LTBP4: variants seen among roughly 807,000 people sequenced by gnomAD.
LTBP4 encodes the protein latent transforming growth factor beta binding protein 4.
Under a neutral mutation model 180.2 loss-of-function variants are expected in LTBP4, and 93 were observed. The ratio of observed to expected loss-of-function variants is 0.52; its 90% CI spans 0.44 to 0.61. The LOEUF (loss-of-function observed/expected upper bound fraction) is 0.61, where lower values mean the gene tolerates loss of function less well. LTBP4 is among the 20% of genes least tolerant of loss of function. The probability of loss-of-function intolerance (pLI) is 0.00; values close to 1 mark genes in which losing one functional copy is unlikely to be tolerated. For missense variants in LTBP4, 2,116 were observed against 2,256.5 expected (o/e 0.94, Z 1.26); for synonymous variants, 947 against 934.5 (o/e 1.01, Z -0.24).
At chr19:40,610,327 T>C in intron 11 of LTBP4, 1 of 597,478 alleles carries the variant, frequency 1.7e-6, no homozygotes, top group African/African-American at 1.9e-5. Context: ...TCCCCAAAGC[T>C]CTCCTTTCTG....
chr19:40,616,483 A>G (rs2081549932), intron 19 of LTBP4, among the ~76,000 whole-genome samples: 1 of 151,912 alleles, frequency 6.6e-6, no homozygotes, highest in African/African-American at 2.4e-5. Context: ...CTGTAATCCT[A>G]GGACTTGAGG....
upstream of LTBP4, among the ~76,000 whole-genome samples, chr19:40,600,414 G>A (rs371105275): frequency 4.4e-4 from 67 of 152,350 alleles, no homozygotes; most frequent in African/African-American, 1.5e-3. The surrounding 1 kb of genome is among the most constrained non-coding windows in gnomAD (Gnocchi z 4.4). Flanking sequence ...GAAGCCAGGC[G>A]TCCGGGCTCC....
Position 40,610,563 on chromosome 19 carries a change from G to A in LTBP4, c.1716G>A (p.Pro572=), listed in dbSNP as rs968005137. Residue 572 remains proline (P), a synonymous_variant, in exon 12 of 30, where the codon CCG becomes CCA. Coordinates refer to ENST00000396819, the MANE Select transcript of LTBP4 (RefSeq NM_001042545.2). The part of the protein sequence containing the change: ...DVDECHRVPP[P]CDLGRCENTP... ...ACGAGTGCCACCGCGTGCCGCCGCC[G>A]TGTGACCTCGGGCGCTGCGAGAACA... 1.8e-5 allele frequency: 28 copies of A among 1,588,420 alleles called. No individual in the cohort carries two copies. The highest frequency in any genetic ancestry group is 8.0e-5 in the African/African-American group (6 of 74,670).
chr19:40,603,075 G>A (rs1467772809), intron 1 of LTBP4, among the ~76,000 whole-genome samples: 1 of 152,086 alleles, frequency 6.6e-6, no homozygotes, highest in African/African-American at 2.4e-5. Flanking sequence ...TCCAACCATG[G>A]CAACAGACTT....
At chr19:40,618,998 G>GT (rs376373596) in intron 21 of LTBP4, among the ~76,000 whole-genome samples, 66 of 151,804 alleles carry the variant, frequency 4.3e-4, no homozygotes, top group African/African-American at 1.2e-3. Context: ...AAAAAGGGAG[G>GT]TTTTTTTTTC....
In LTBP4 at chr19:40,627,739, G is replaced by T. The variant is rs755324088; in HGVS notation, c.4401G>T (p.Ala1467=). ...CTGAGCCCTACGAGGAGCTGGAGGC[G>T]GAGGAGTGCGGGATCCTGGACGGCT... ...SLAEPYEELE[A]EECGILDGCT... is the part of the protein sequence containing the mutation. The change falls in exon 29 of 30, where the codon GCG becomes GCT. Residue 1467 remains alanine (A), a synonymous_variant. Transcript: ENST00000396819. 2.5e-6 allele frequency: 4 copies of T among 1,596,980 alleles called. No individual in the cohort carries two copies. The highest frequency in any genetic ancestry group is 2.6e-6 in the Non-Finnish European group (3 of 1,173,458).
chr19:40,622,477 C>G lies in LTBP4; in HGVS notation c.3294C>G (p.Pro1098=). The G allele has an allele frequency of 6.2e-7, 1 of 1,608,900 alleles. No individual in the cohort carries two copies. The highest frequency in any genetic ancestry group is 8.5e-7 in the Non-Finnish European group (1 of 1,176,998). ...CCAGGCCACCTCCGCCACCCCTGCC[C>G]CGCCGACCCAGCACACCTAGGCAGG... ...LPARPPPPPL[P]RRPSTPRQGP... is the part of the protein sequence containing the mutation. Residue 1098 remains proline, a synonymous_variant, in exon 23 of 30, where the codon CCC becomes CCG. Transcript: ENST00000396819. This position sits in a 1 kb window ranked among gnomAD's most constrained non-coding sequence, Gnocchi z 5.1.
rs552762824 is a variant in LTBP4, at chr19:40,605,958, G to A, written c.793+127G>A. The A allele has an allele frequency of 1.7e-5, 19 of 1,102,660 alleles. No homozygotes were observed. In the Admixed American group the frequency reaches 2.5e-4, roughly 15 times the overall value. The allele number at this position is 1,102,660 out of a possible 1,614,324, so 68.3% of individuals were successfully genotyped here. A position where few individuals can be genotyped will look rare whatever the true frequency, so the allele number is the denominator to read the frequency against. The stretch of plus-strand genomic sequence containing the variant: ...GCCACGCCTACCCCATTGTGGAGGC[G>A]ACTTCCAGTCCTGAGCTTTTCATAC... On this transcript the variant is annotated intron_variant, in intron 4 of 29. Transcript: ENST00000396819. This position sits in a 1 kb window ranked among gnomAD's most constrained non-coding sequence, Gnocchi z 5.5.
intron 6 of LTBP4, among the ~76,000 whole-genome samples, chr19:40,607,083 C>T (rs552350434): frequency 7.9e-5 from 12 of 152,254 alleles, no homozygotes; most frequent in Non-Finnish European, 1.3e-4. Flanking sequence ...TCTCAGACCC[C>T]CAAATCCTCT....
rs763378319 is a variant in LTBP4, at chr19:40,611,846, C to T, written c.2054-13C>T. 6.2e-7 allele frequency: 1 copy of T among 1,603,412 alleles called. No individual in the cohort carries two copies. The highest frequency in any genetic ancestry group is 1.7e-5 in the Admixed American group (1 of 59,032). On this transcript the variant is annotated splice_polypyrimidine_tract_variant and intron_variant, in intron 13 of 29. Transcript: ENST00000396819. This position sits in a 1 kb window ranked among gnomAD's most constrained non-coding sequence, Gnocchi z 4.4. ...GGCCCCTTCCTCAGCCTCATTGGTC[C>T]CCTCTGCCCCAGATGTGGATGAGTG...
At position 40,609,581 on chromosome 19, in the gene LTBP4, G is replaced by T. The variant is rs766826483; in HGVS notation, c.1478G>T (p.Arg493Leu). ...QRNPQVCGPGRCISRPSGYTC... is the reference protein window; with the variant it reads ...QRNPQVCGPGLCISRPSGYTC... Reference sequence around the variant, plus strand: ...AACCCCCAGGTCTGCGGCCCAGGACGCTGCATTTCCCGGCCCAGCGGCTAC... The same window carrying T: ...AACCCCCAGGTCTGCGGCCCAGGACTCTGCATTTCCCGGCCCAGCGGCTAC... Residue 493 changes from arginine to leucine, a missense_variant, in exon 10 of 30, where the codon CGC (arginine) becomes CTC (leucine). Coordinates refer to ENST00000396819, the MANE Select transcript of LTBP4 (RefSeq NM_001042545.2). This position sits in a 1 kb window ranked among gnomAD's most constrained non-coding sequence, Gnocchi z 4.9. 1 of 1,613,482 alleles carries T rather than the reference G, an allele frequency of 6.2e-7. No homozygotes were observed. Among genetic ancestry groups the T allele is most frequent in the Non-Finnish European group, 8.5e-7 (1 of 1,179,848 alleles).
In LTBP4 at chr19:40,605,631, T is replaced by C; in HGVS notation, c.669T>C (p.Phe223=). 2 of 1,584,938 alleles carry C rather than the reference T, an allele frequency of 1.3e-6. No homozygotes were observed. The highest frequency in any genetic ancestry group is 1.7e-6 in the Non-Finnish European group (2 of 1,165,968). The change falls in exon 3 of 30, where the codon TTT becomes TTC. Residue 223 remains phenylalanine (F), a synonymous_variant. Coordinates refer to ENST00000396819, the MANE Select transcript of LTBP4 (RefSeq NM_001042545.2). The surrounding 1 kb of genome is among the most constrained non-coding windows in gnomAD (Gnocchi z 5.5). ...YSDASGFGYC[F]RELRGGECAS... ...ATGCCTCGGGCTTCGGTTACTGCTT[T>C]CGGGAGCTGCGCGGAGGCGAAGTGA... is the stretch of plus-strand genomic sequence containing the variant.
intron 15 of LTBP4, 82 bp from the exon 16 acceptor site, chr19:40,612,983 T>C: frequency 1.1e-5 from 13 of 1,236,692 alleles, no homozygotes; most frequent in Non-Finnish European, 1.4e-5. Flanking sequence ...TCCCACCACC[T>C]CCCCCAGACA....
chr19:40,626,092 C>A (rs928832094), intron 27 of LTBP4, 83 bp downstream of exon 27: 13 of 1,425,936 alleles, frequency 9.1e-6, no homozygotes, highest in African/African-American at 1.5e-5. Flanking sequence ...AGTCGCAGAA[C>A]CCCCAGACTC....
chr19:40,599,362 T>C (rs1459048869), upstream of LTBP4: 1 of 1,610,404 alleles, frequency 6.2e-7, no homozygotes, highest in African/African-American at 1.3e-5. Context: ...GCTGGATGCA[T>C]TTGGTAGAGA....
intron 21 of LTBP4, 68 bp downstream of exon 21, chr19:40,617,293 C>T: frequency 6.5e-7 from 1 of 1,536,784 alleles, no homozygotes; most frequent in Non-Finnish European, 8.8e-7. Context: ...CTGTCCCTCC[C>T]CATATATCTG....
rs1406545312 is a variant in LTBP4 at position 40,622,651 on chromosome 19, C to T, written c.3468C>T (p.Cys1156=). Residue 1156 remains cysteine, a synonymous_variant, in exon 23 of 30, where the codon TGC becomes TGT. Coordinates refer to ENST00000396819, the MANE Select transcript of LTBP4 (RefSeq NM_001042545.2). This position sits in a 1 kb window ranked among gnomAD's most constrained non-coding sequence, Gnocchi z 5.1. ...GWGSGCRIQQ[C]PGTETAEYQS... is the part of the protein sequence containing the mutation. ...GCAGCGGCTGCCGCATCCAGCAGTGCCCGGGCACCGAGACAGGTGGGCATG... is the reference window on the plus strand; with the variant it reads ...GCAGCGGCTGCCGCATCCAGCAGTGTCCGGGCACCGAGACAGGTGGGCATG... The T allele has an allele frequency of 1.9e-6, 3 of 1,603,134 alleles. No homozygotes were observed. The highest frequency in any genetic ancestry group is 2.2e-5 in the East Asian group (1 of 44,664).
At chr19:40,599,993 C>A, upstream of LTBP4, 1 of 743,262 alleles carries the variant, frequency 1.3e-6, no homozygotes, top group Non-Finnish European at 1.9e-6. Flanking sequence ...AAGACATTTT[C>A]CTGGCATGGA....
At position 40,610,606 on chromosome 19, in the gene LTBP4, T is replaced by G. The variant is rs752570454; in HGVS notation, c.1759T>G (p.Cys587Gly). The G allele has an allele frequency of 1.9e-6, 3 of 1,589,632 alleles. No homozygotes were observed. The South Asian group carries it at 3.4e-5, about 18-fold the overall frequency. The change falls in exon 12 of 30, where the codon TGC becomes GGC. Residue 587 changes from cysteine to glycine, a missense_variant. By Grantham distance (159) the Cys-to-Gly change is radical. Coordinates refer to ENST00000396819, the MANE Select transcript of LTBP4 (RefSeq NM_001042545.2). ...CGAGAACACGCCAGGCAGCTTCCTGTGCGTGTGCCCCGCCGGGTACCAGGC... is the reference window on the plus strand; with the variant it reads ...CGAGAACACGCCAGGCAGCTTCCTGGGCGTGTGCCCCGCCGGGTACCAGGC... ...RCENTPGSFL[C>G]VCPAGYQAAP...
Sources: gnomAD v4.1 joint callset for allele counts (sites outside exome capture counted in the v4.1 genomes callset) on GRCh38, gnomAD v4.1.1 for gene constraint, Gnocchi (gnomAD v3.1) non-coding constraint, MANE v1.5 for transcripts, NCBI Gene and HGNC (gene_info 2026-07-23, HGNC 2026-07-21) for gene names.